NAPB: variants seen among roughly 807,000 people sequenced by gnomAD.
NAPB encodes NSF attachment protein beta, also known as beta-soluble NSF attachment protein.
In NAPB, 26 loss-of-function variants were observed where a neutral mutation model predicts 44.7. The ratio of observed to expected loss-of-function variants is 0.58; its 90% confidence interval spans 0.43 to 0.81. NAPB has a LOEUF of 0.81. NAPB is among the 30% of genes least tolerant of loss of function. The pLI, the probability that NAPB is intolerant of heterozygous loss-of-function variation, is 0.00. For missense variants in NAPB, 315 were observed against 356.4 expected, an observed-to-expected ratio of 0.88 and a Z score of 0.94; for synonymous variants, 120 against 116.8, an observed-to-expected ratio of 1.03 and a Z score of -0.18.
In NAPB at chr20:23,397,062, G is replaced by A. The variant is rs1315612504; in HGVS notation, c.295+10C>T. ...ACAGAGATAGCATGCTACATGCCTG[G>A]CTGTCTTACCTTGGGGATCTGCCTT... On this transcript the variant is annotated intron_variant, in intron 3 of 10. Coordinates refer to ENST00000377026, the MANE Select transcript of NAPB (RefSeq NM_022080.3). 2 of 1,611,210 alleles carry A rather than the reference G, an allele frequency of 1.2e-6. No individual in the cohort carries two copies. Among genetic ancestry groups the A allele is most frequent in the East Asian group, 2.2e-5 (1 of 44,772 alleles).
chr20:23,375,738 C>CCTGT lies in NAPB; in HGVS notation c.*1637_*1638insACAG, dbSNP rs1380321837. 6.6e-6 allele frequency: 1 copy of CCTGT among 152,176 alleles called. No homozygotes were observed. The highest frequency in any genetic ancestry group is 2.4e-5 in the African/African-American group (1 of 41,414). 9.4% of individuals were successfully genotyped at this position (152,176 alleles called of 1,614,324 possible). On this transcript the variant is annotated 3_prime_UTR_variant, in exon 11 of 11. Transcript: ENST00000377026. ...TTGCCACCCCCAGTAGTGGGGACTA[C>CCTGT]AGTGCACCTGTAGTCCCAGTAGATG...
At chr20:23,389,874 A>C in intron 7 of NAPB, 72 bp downstream of exon 7, 1 of 1,347,658 alleles carries the variant, frequency 7.4e-7, no homozygotes, top group Non-Finnish European at 1.0e-6. Context: ...CTCAATAAAC[A>C]GAAAAATAAA....
intron 1 of NAPB, among the ~76,000 whole-genome samples, chr20:23,415,928 T>C (rs910700419): frequency 3.9e-5 from 6 of 152,164 alleles, no homozygotes; most frequent in African/African-American, 1.4e-4. Context: ...ATCTCGCCAC[T>C]GCCTTCCAGC....
chr20:23,385,226 C>T (rs1983397971), intron 7 of NAPB, among the ~76,000 whole-genome samples: 1 of 151,984 alleles, frequency 6.6e-6, no homozygotes, highest in African/African-American at 2.4e-5. Flanking sequence ...ATCATATAAA[C>T]ATTAATCAAA....
rs1983829866 is a variant in NAPB, at chr20:23,389,957, T to A, written c.550A>T (p.Ile184Phe). The stretch of plus-strand genomic sequence containing the variant: ...AACAGTATCCTCACCTGCTCATAGA[T>A]CTCAATGGCTTTCTGGTACTGCTCA... Reference protein sequence around the residue: ...QLEQYQKAIEIYEQVGANTMD... With the variant: ...QLEQYQKAIEFYEQVGANTMD... Residue 184 changes from isoleucine (I) to phenylalanine (F), a missense_variant, in exon 7 of 11, where the codon ATC becomes TTC. Coordinates refer to ENST00000377026, the MANE Select transcript of NAPB (RefSeq NM_022080.3). 1 of 1,613,900 alleles carries A rather than the reference T, an allele frequency of 6.2e-7. No homozygotes were observed.
intron 7 of NAPB, among the ~76,000 whole-genome samples, chr20:23,389,262 G>T (rs1427543261): frequency 7.6e-6 from 1 of 132,382 alleles, no homozygotes; most frequent in Non-Finnish European, 1.6e-5. Context: ...ACCAAAACAA[G>T]TATTGGTGAG....
At chr20:23,409,758 C>A (rs75703226) in intron 1 of NAPB, among the ~76,000 whole-genome samples, 1,715 of 152,296 alleles carry the variant, frequency 0.011, 30 homozygotes, top group African/African-American at 0.039. Context: ...GCATACACAA[C>A]CACCCATAAT....
At chr20:23,385,274 T>C (rs559029001) in intron 7 of NAPB, among the ~76,000 whole-genome samples, 1 of 152,126 alleles carries the variant, frequency 6.6e-6, no homozygotes, top group Non-Finnish European at 1.5e-5. Context: ...TAAAGTAGAC[T>C]TGAGCCAAGA....
chr20:23,401,355 C>T (rs1984828304), intron 2 of NAPB, among the ~76,000 whole-genome samples: 1 of 152,140 alleles, frequency 6.6e-6, no homozygotes, highest in Non-Finnish European at 1.5e-5. Flanking sequence ...TGCTCAAGGT[C>T]ATCGCCAAGG....
intron 5 of NAPB, among the ~76,000 whole-genome samples, chr20:23,394,490 C>T (rs1455722071): frequency 2.0e-5 from 3 of 152,244 alleles, no homozygotes; most frequent in East Asian, 3.9e-4. Context: ...CAGGTGGATA[C>T]AGTAATCTAG....
At chr20:23,382,719 G>A (rs990529947) in intron 7 of NAPB, among the ~76,000 whole-genome samples, 1 of 151,462 alleles carries the variant, frequency 6.6e-6, no homozygotes, top group Admixed American at 6.6e-5. Flanking sequence ...AGGGACAGAG[G>A]AAAGAAGCAC....
intron 2 of NAPB, 21 bp from the exon 3 acceptor site, chr20:23,397,209 A>G (rs2123198991): frequency 6.2e-7 from 1 of 1,601,578 alleles, no homozygotes; most frequent in South Asian, 1.1e-5. Flanking sequence ...CACTACAATT[A>G]AACACAGAGG....
At chr20:23,389,755 TG>T (rs1983815283) in intron 7 of NAPB, among the ~76,000 whole-genome samples, 190 bp downstream of exon 7, 1 of 152,230 alleles carries the variant, frequency 6.6e-6, no homozygotes, top group Admixed American at 6.5e-5. Context: ...GGGCTTCTTT[TG>T]GGGATGATTA....
At position 23,395,192 on chromosome 20, in the gene NAPB, C is replaced by A; in HGVS notation, c.296-7G>T. The A allele has an allele frequency of 6.2e-7, 1 of 1,613,990 alleles. No homozygotes were observed. Among genetic ancestry groups the A allele is most frequent in the Non-Finnish European group, 8.5e-7 (1 of 1,179,928 alleles). ...TTTAAGCAGTTGATAGCCTCTGAAG[C>A]GTAGGCATTTAAGAAAAACAATGAA... is the stretch of plus-strand genomic sequence containing the variant. On this transcript the variant is annotated splice_polypyrimidine_tract_variant and splice_region_variant and intron_variant, in intron 3 of 10. Coordinates refer to ENST00000377026, the MANE Select transcript of NAPB (RefSeq NM_022080.3).
At position 23,397,044 on chromosome 20, in the gene NAPB, T is replaced by C. The variant is rs779402053; in HGVS notation, c.295+28A>G. On this transcript the variant is annotated intron_variant, in intron 3 of 10. Transcript: ENST00000377026. ...CTGACTGGTTAGTTACACACAGAGA[T>C]AGCATGCTACATGCCTGGCTGTCTT... 4 of 1,604,978 alleles carry C rather than the reference T, an allele frequency of 2.5e-6. No individual in the cohort carries two copies. In the African/African-American group the frequency reaches 4.0e-5, roughly 16 times the overall value.
intron 1 of NAPB, 25 bp downstream of exon 1, chr20:23,421,280 A>T: frequency 3.9e-6 from 5 of 1,289,318 alleles, no homozygotes; most frequent in Non-Finnish European, 5.3e-6. Flanking sequence ...CCCCCCCCCC[A>T]GGGCACGCAC....
At chr20:23,412,304 G>C (rs1044832216) in intron 1 of NAPB, among the ~76,000 whole-genome samples, 2 of 152,162 alleles carry the variant, frequency 1.3e-5, no homozygotes, top group African/African-American at 4.8e-5. Context: ...TGGCAGCAGA[G>C]GGCACAAGGT....
rs763450941 is a variant in NAPB at position 23,379,886 on chromosome 20, C to G, written c.716G>C (p.Arg239Thr). 5 of 1,612,430 alleles carry G rather than the reference C, an allele frequency of 3.1e-6. No individual in the cohort carries two copies. Among genetic ancestry groups the G allele is most frequent in the East Asian group, 2.2e-5 (1 of 44,786 alleles). Residue 239 changes from arginine (R) to threonine (T), a missense_variant, in exon 9 of 11, where the codon AGA (arginine) becomes ACA (threonine). Physicochemically the swap from Arg to Thr is moderately conservative, Grantham distance 71 (BLOSUM62 -1). Around this residue, in one of 3 missense-constraint regions of NAPB, gnomAD observed 120 missense variants for 130.5 expected, o/e 0.92. Coordinates refer to ENST00000377026, the MANE Select transcript of NAPB (RefSeq NM_022080.3). ...EEMFPAFTDS[R>T]ECKLLKKLLE... ...ACTTACTTTCAATAATTTACATTCT[C>G]TTGAATCAGTAAATGCTGGAAACAT...
In NAPB at chr20:23,379,941, A is replaced by T; in HGVS notation, c.667-6T>A. ...TCATATTTCTCAAGAGCAAGCTGAG[A>T]GAGAAAAACCACTCATCAATTTCAG... On this transcript the variant is annotated splice_polypyrimidine_tract_variant and splice_region_variant and intron_variant, in intron 8 of 10. Transcript: ENST00000377026. The T allele has an allele frequency of 6.2e-7, 1 of 1,611,970 alleles. No individual in the cohort carries two copies. The highest frequency in any genetic ancestry group is 8.5e-7 in the Non-Finnish European group (1 of 1,178,578).
Sources: allele counts gnomAD v4.1 joint callset (sites outside exome capture counted in the v4.1 genomes callset), GRCh38; gene constraint gnomAD v4.1.1; regional missense constraint gnomAD v4.1.1; transcripts MANE v1.5; gene names NCBI Gene and HGNC (gene_info 2026-07-23, HGNC 2026-07-21).